Variants in WWOX observed in about 807,000 individuals in gnomAD.
WWOX encodes the protein WW domain containing oxidoreductase.
Under a neutral mutation model 46.2 loss-of-function variants are expected in WWOX, and 69 were observed. That is an observed-to-expected ratio of 1.49 (90% CI 1.23 to 1.82). The LOEUF (loss-of-function observed/expected upper bound fraction) is 1.82, where lower values mean the gene tolerates loss of function less well. Among genes scored for constraint, WWOX ranks in the 40% most tolerant of loss-of-function variants. The pLI, the probability that WWOX is intolerant of heterozygous loss-of-function variation, is 0.00. For synonymous variants in WWOX, 359 were observed against 202.6 expected, an observed-to-expected ratio of 1.77 and a Z score of -6.56; for missense variants, 919 against 542.6, an observed-to-expected ratio of 1.69 and a Z score of -6.89.
intron 4 of WWOX, among the ~76,000 whole-genome samples, chr16:78,144,462 T>TACAC (rs1211442706): frequency 1.7e-4 from 4 of 23,628 alleles, no homozygotes; most frequent in African/African-American, 6.3e-4. Context: ...TATATATATA[T>TACAC]ACACACATAT....
At chr16:78,110,802 G>T (rs1020150474) in intron 3 of WWOX, among the ~76,000 whole-genome samples, 2 of 152,290 alleles carry the variant, frequency 1.3e-5, no homozygotes, top group Non-Finnish European at 2.9e-5. Flanking sequence ...ACTTGAGGGG[G>T]TAAGTGACTT....
At chr16:78,386,799 T>C in intron 5 of WWOX, 61 bp from the exon 6 acceptor site, 1 of 1,441,990 alleles carries the variant, frequency 6.9e-7, no homozygotes, top group Non-Finnish European at 9.8e-7. Flanking sequence ...TTACTGTAAC[T>C]TGATACCATG....
chr16:78,877,618 A>G (rs950077604), intron 8 of WWOX, among the ~76,000 whole-genome samples: 2 of 152,214 alleles, frequency 1.3e-5, no homozygotes, highest in Admixed American at 6.5e-5. Flanking sequence ...AGATGTGGAC[A>G]TAGATAGAGA....
intron 8 of WWOX, among the ~76,000 whole-genome samples, chr16:78,865,360 A>T (rs2043981121): frequency 2.0e-5 from 3 of 152,174 alleles, no homozygotes; most frequent in African/African-American, 4.8e-5. Context: ...TAAAAGAAGT[A>T]CGTCAGGTGA....
chr16:78,364,573 A>AG (rs1335516623), intron 5 of WWOX, among the ~76,000 whole-genome samples: 1 of 151,968 alleles, frequency 6.6e-6, no homozygotes, highest in Non-Finnish European at 1.5e-5. Flanking sequence ...TGGGAAAGAA[A>AG]AAAAAAATTT....
chr16:78,908,570 G>A (rs1181430738), intron 8 of WWOX, among the ~76,000 whole-genome samples: 1 of 151,468 alleles, frequency 6.6e-6, no homozygotes, highest in Non-Finnish European at 1.5e-5. Flanking sequence ...AATTCATGCA[G>A]AGCTGGCTGT....
chr16:78,705,328 C>T (rs1278947334), intron 8 of WWOX, among the ~76,000 whole-genome samples: 1 of 152,168 alleles, frequency 6.6e-6, no homozygotes, highest in Non-Finnish European at 1.5e-5. Context: ...TAGCTGACAA[C>T]ATGGTCTATA....
intron 8 of WWOX, among the ~76,000 whole-genome samples, chr16:78,996,583 T>A (rs1305809459): frequency 6.6e-6 from 1 of 151,960 alleles, no homozygotes; most frequent in Non-Finnish European, 1.5e-5. Context: ...CAGTGAGAGA[T>A]GGTGGTCAGT....
At chr16:78,414,267 G>A (rs1265267054) in intron 6 of WWOX, among the ~76,000 whole-genome samples, 1 of 152,126 alleles carries the variant, frequency 6.6e-6, no homozygotes, top group East Asian at 1.9e-4. Context: ...CTGCACTCAG[G>A]TGATTAAAAA....
intron 6 of WWOX, among the ~76,000 whole-genome samples, chr16:78,406,308 ATATATATATATATATATATATATAT>A: frequency 4.9e-5 from 1 of 20,202 alleles, no homozygotes; most frequent in Non-Finnish European, 7.9e-5. Flanking sequence ...ATATAAATAT[ATATATATATATATATATATATATAT>A]ATATATATAT....
intron 2 of WWOX, 109 bp from the exon 3 acceptor site, chr16:78,109,669 G>A: frequency 1.9e-6 from 2 of 1,059,912 alleles, no homozygotes; most frequent in South Asian, 1.3e-5. Flanking sequence ...ACTGCTGGGT[G>A]GGAGGGACAG....
chr16:79,021,027 A>T (rs2047522146), intron 8 of WWOX, among the ~76,000 whole-genome samples: 1 of 152,206 alleles, frequency 6.6e-6, no homozygotes, highest in East Asian at 1.9e-4. Context: ...AAGAGGATAC[A>T]CAAGCTTCAA....
At chr16:79,095,044 A>G (rs967584670) in intron 8 of WWOX, among the ~76,000 whole-genome samples, 1 of 152,180 alleles carries the variant, frequency 6.6e-6, no homozygotes, top group African/African-American at 2.4e-5. Context: ...TGGTCCACAA[A>G]TTGAGGCAAA....
intron 8 of WWOX, among the ~76,000 whole-genome samples, chr16:78,438,571 C>G (rs939387846): frequency 3.8e-4 from 58 of 152,086 alleles, no homozygotes; most frequent in African/African-American, 1.3e-3. Context: ...TGAGCACTGT[C>G]ACTTGCCTCT....
At chr16:78,425,151 C>T in intron 7 of WWOX, 96 bp downstream of exon 7, 18 of 1,516,636 alleles carry the variant, frequency 1.2e-5, no homozygotes, top group East Asian at 2.3e-5. Context: ...TTCATTAGTC[C>T]TGCTTGAGAC....
intron 8 of WWOX, among the ~76,000 whole-genome samples, chr16:78,547,145 A>AAAAAC (rs1567635719): frequency 4.3e-5 from 4 of 93,986 alleles, no homozygotes; most frequent in African/African-American, 8.7e-5. Context: ...AAAAAAAAAA[A>AAAAAC]AAAAAAAAAA....
At chr16:78,312,098 G>C (rs897603246) in intron 5 of WWOX, among the ~76,000 whole-genome samples, 2 of 152,074 alleles carry the variant, frequency 1.3e-5, no homozygotes, top group African/African-American at 4.8e-5. Context: ...TTTGTCTTTT[G>C]CCTCCTCCTC....
intron 8 of WWOX, among the ~76,000 whole-genome samples, chr16:78,613,063 A>C (rs2045937420): frequency 6.6e-6 from 1 of 152,208 alleles, no homozygotes; most frequent in South Asian, 2.1e-4. Context: ...AGTTTGTAGG[A>C]AACTGTGCTT....
chr16:78,668,839 T>G (rs1182240002), intron 8 of WWOX, among the ~76,000 whole-genome samples: 1 of 152,194 alleles, frequency 6.6e-6, no homozygotes, highest in African/African-American at 2.4e-5. Flanking sequence ...TGTCTGAGTC[T>G]TCCTGATGAG....
Sources: gnomAD v4.1 joint callset for allele counts (sites outside exome capture counted in the v4.1 genomes callset) on GRCh38, gnomAD v4.1.1 for gene constraint, MANE v1.5 for transcripts, NCBI Gene and HGNC (gene_info 2026-07-23, HGNC 2026-07-21) for gene names.